Variants in ORC6 observed in about 807,000 individuals in gnomAD.
The protein encoded by ORC6 is origin recognition complex subunit 6, also known as origin recognition complex, subunit 6 homolog-like (yeast).
A neutral mutation model predicts 30.0 loss-of-function variants in ORC6; 31 were observed. That is an observed-to-expected ratio of 1.03 (90% CI 0.78 to 1.40). ORC6 has a LOEUF of 1.40. Among genes scored for constraint, ORC6 ranks in the 40% most tolerant of loss-of-function variants. The pLI is 0.00. For missense variants in ORC6, 340 were observed against 304.3 expected, an observed-to-expected ratio of 1.12 and a Z score of -0.87; for synonymous variants, 136 against 111.2, an observed-to-expected ratio of 1.22 and a Z score of -1.40.
chr16:46,696,346 A>G, intron 6 of ORC6: 1 of 512,150 alleles, frequency 2.0e-6, no homozygotes, highest in Non-Finnish European at 3.5e-6. Context: ...GCTTGAGCCC[A>G]TGAGTGCGAG....
chr16:46,697,525 A>G lies in ORC6; in HGVS notation c.699A>G (p.Glu233=). ...QKDEDLTQDY[E]EWKRKILENA... ...ATGAAGATCTGACACAGGATTATGA[A>G]GAATGGAAAAGAAAAATTTTGGAAA... Residue 233 remains glutamate, a synonymous_variant, in exon 7 of 7, where the codon GAA becomes GAG. Transcript: ENST00000219097. The G allele has an allele frequency of 6.2e-7, 1 of 1,613,944 alleles. No individual in the cohort carries two copies. Among genetic ancestry groups the G allele is most frequent in the South Asian group, 1.1e-5 (1 of 91,082 alleles).
At chr16:46,693,802 G>GT (rs1966479628) in intron 4 of ORC6, 1 of 74,394 alleles carries the variant, frequency 1.3e-5, no homozygotes, top group Non-Finnish European at 2.7e-5. Context: ...CAGCAACACT[G>GT]TCTCTTTTTT....
intron 4 of ORC6, chr16:46,695,192 T>G: frequency 4.2e-6 from 1 of 239,918 alleles, no homozygotes; most frequent in Non-Finnish European, 8.2e-6. Context: ...CAGGGTGGGG[T>G]GGGGTTGTTA....
chr16:46,695,750 A>G (rs1210276329), intron 5 of ORC6, 76 bp downstream of exon 5: 3 of 965,354 alleles, frequency 3.1e-6, no homozygotes, highest in Non-Finnish European at 5.0e-6. Flanking sequence ...ATATTTTCAA[A>G]TATGTAAACT....
rs1412972700 is a variant in ORC6 at position 46,695,635 on chromosome 16, CTG to C, written c.527_528del (p.Cys176Ter). 1.9e-6 allele frequency: 3 copies of C among 1,613,166 alleles called. No homozygotes were observed. The highest frequency in any genetic ancestry group is 1.1e-5 in the South Asian group (1 of 91,062). ...TGTAAAAAAAGCTATATTTGATCGACTGTGTAAACAACTAGAGAAGATTGGAC... is the reference window on the plus strand; with the variant it reads ...TGTAAAAAAAGCTATATTTGATCGACTGTAAACAACTAGAGAAGATTGGAC... The part of the protein sequence containing the change: ...SGVKKAIFDR[L>X]CKQLEKIGQQ... On this transcript the variant is annotated frameshift_variant, in exon 5 of 7. Coordinates refer to ENST00000219097, the MANE Select transcript of ORC6 (RefSeq NM_014321.4). LOFTEE classifies it high-confidence loss of function.
At chr16:46,693,269 T>G in intron 4 of ORC6, 87 bp downstream of exon 4, 1 of 819,004 alleles carries the variant, frequency 1.2e-6, no homozygotes, top group Non-Finnish European at 2.2e-6. Context: ...TTAGTTGATA[T>G]CAATTCAGAG....
At chr16:46,689,932 G>T (rs1966410807) in intron 1 of ORC6, 162 bp downstream of exon 1, 2 of 1,085,004 alleles carry the variant, frequency 1.8e-6, no homozygotes, top group Non-Finnish European at 2.5e-6. Context: ...CTTCTCGGCC[G>T]TGAGCTTGAA....
intron 2 of ORC6, among the ~76,000 whole-genome samples, chr16:46,691,958 A>ACACACACACACACACT: frequency 2.7e-5 from 1 of 36,660 alleles, no homozygotes; most frequent in African/African-American, 9.6e-5. Flanking sequence ...ACACACACAC[A>ACACACACACACACACT]CTCTCTCTCT....
chr16:46,691,958 A>ACACACACACTCACTCTCTCTCTCTCTCT, intron 2 of ORC6, among the ~76,000 whole-genome samples: 1 of 36,664 alleles, frequency 2.7e-5, no homozygotes, highest in Non-Finnish European at 5.1e-5. Context: ...ACACACACAC[A>ACACACACACTCACTCTCTCTCTCTCTCT]CTCTCTCTCT....
At chr16:46,697,127 C>G (rs909403061) in intron 6 of ORC6, among the ~76,000 whole-genome samples, 1 of 152,008 alleles carries the variant, frequency 6.6e-6, no homozygotes, top group Non-Finnish European at 1.5e-5. Context: ...GCTTGATAGA[C>G]GTTAGCTATT....
intron 4 of ORC6, 89 bp from the exon 5 acceptor site, chr16:46,695,473 T>G: frequency 1.2e-6 from 1 of 807,878 alleles, no homozygotes; most frequent in Non-Finnish European, 2.1e-6. Flanking sequence ...GGAAGCATGG[T>G]CAAAAAGAAA....
At chr16:46,690,889 G>T in intron 1 of ORC6, 102 bp from the exon 2 acceptor site, 6 of 1,244,166 alleles carry the variant, frequency 4.8e-6, no homozygotes, top group Non-Finnish European at 5.9e-6. Flanking sequence ...AGCCACAGGA[G>T]TTAGGCTTAG....
chr16:46,691,958 A>ACACTCTCTCTCTCT, intron 2 of ORC6, among the ~76,000 whole-genome samples: 7 of 36,660 alleles, frequency 1.9e-4, no homozygotes, highest in East Asian at 8.8e-4. Flanking sequence ...ACACACACAC[A>ACACTCTCTCTCTCT]CTCTCTCTCT....
chr16:46,693,675 C>T (rs1966477286), intron 4 of ORC6: 3 of 165,786 alleles, frequency 1.8e-5, no homozygotes, highest in South Asian at 3.0e-4. Flanking sequence ...TCAGCACATG[C>T]CTCCAGTCCT....
Position 46,696,058 on chromosome 16 carries a change from A to C in ORC6, c.604A>C (p.Lys202Gln), listed in dbSNP as rs1351818691. 1 of 1,613,462 alleles carries C rather than the reference A, an allele frequency of 6.2e-7. No homozygotes were observed. The highest frequency in any genetic ancestry group is 1.3e-5 in the African/African-American group (1 of 74,922). The change falls in exon 6 of 7, where the codon AAG becomes CAG. Residue 202 changes from lysine to glutamine, a missense_variant. Coordinates refer to ENST00000219097, the MANE Select transcript of ORC6 (RefSeq NM_014321.4). ...DVATPPRKRK[K>Q]IVVEAPAKEM... ...AGCTACTCCACCACGGAAGAGAAAG[A>C]AGATAGTGGTTGAAGCCCCAGCAAA...
intron 4 of ORC6, 82 bp downstream of exon 4, chr16:46,693,264 T>G (rs1241707742): frequency 2.6e-5 from 22 of 839,236 alleles, no homozygotes; most frequent in Non-Finnish European, 3.5e-5. Context: ...CTAACTTAGT[T>G]GATATCAATT....
At chr16:46,690,329 A>T (rs1966420056) in intron 1 of ORC6, among the ~76,000 whole-genome samples, 3 of 152,238 alleles carry the variant, frequency 2.0e-5, no homozygotes, top group African/African-American at 7.2e-5. Context: ...CAGCTCCTGT[A>T]AAAGCGTTGA....
chr16:46,691,958 A>ACACACT, intron 2 of ORC6, among the ~76,000 whole-genome samples: 1 of 36,664 alleles, frequency 2.7e-5, no homozygotes, highest in African/African-American at 9.6e-5. Context: ...ACACACACAC[A>ACACACT]CTCTCTCTCT....
chr16:46,697,433 A>G (rs774388474), intron 6 of ORC6, 25 bp from the exon 7 acceptor site: 1 of 1,602,432 alleles, frequency 6.2e-7, no homozygotes, highest in Non-Finnish European at 8.5e-7. Context: ...GAATTTTGAA[A>G]TTGCTTTTGA....
Sources: gnomAD v4.1 joint callset for allele counts (sites outside exome capture counted in the v4.1 genomes callset) on GRCh38, gnomAD v4.1.1 for gene constraint, MANE v1.5 for transcripts, NCBI Gene and HGNC (gene_info 2026-07-23, HGNC 2026-07-21) for gene names.